Variants in NBEA observed in about 807,000 individuals in gnomAD.
NBEA encodes the protein neurobeachin, also known as lysosomal-trafficking regulator 2.
Under a neutral mutation model 343.4 loss-of-function variants are expected in NBEA, and 44 were observed. That is an observed-to-expected ratio of 0.13 (90% CI 0.10 to 0.16). NBEA has a LOEUF of 0.16. Among genes scored for constraint, NBEA ranks in the 10% least tolerant of loss-of-function variants. The pLI is 1.00. For missense variants in NBEA, 2,555 were observed against 3,631.3 expected (o/e 0.70, Z 7.62); for synonymous variants, 1,175 against 1,238.7 (o/e 0.95, Z 1.08).
intron 38 of NBEA, among the ~76,000 whole-genome samples, chr13:35,424,004 T>A (rs1263114722): frequency 2.6e-5 from 4 of 152,378 alleles, no homozygotes; most frequent in Non-Finnish European, 5.9e-5. Flanking sequence ...TGATTTTGTA[T>A]CCTGAGACTT....
chr13:35,091,618 T>C (rs1449207724), intron 10 of NBEA, among the ~76,000 whole-genome samples: 1 of 151,920 alleles, frequency 6.6e-6, no homozygotes, highest in African/African-American at 2.4e-5. Context: ...GATACAAGGT[T>C]CTCATACAAA....
At chr13:35,450,360 A>G (rs566058415) in intron 39 of NBEA, among the ~76,000 whole-genome samples, 2 of 152,040 alleles carry the variant, frequency 1.3e-5, no homozygotes, top group Non-Finnish European at 2.9e-5. Flanking sequence ...TGTGGTATAC[A>G]TCTGTGGTCC....
rs141569196 is a variant in NBEA, at chr13:35,229,579, A to AT, written c.5649-2906dup. 2.0e-3 allele frequency among the ~76,000 whole-genome samples: 310 copies of AT among 152,084 alleles called. 2 individuals are homozygous for AT. Among genetic ancestry groups the AT allele is most frequent in the Non-Finnish European group, 3.6e-3 (243 of 67,980 alleles). The stretch of plus-strand genomic sequence containing the variant: ...CTCACATTAACATAGCTTTTAATTT[A>AT]TTTTTTTACATATTAACAGATAGCT... On this transcript the variant is annotated intron_variant, in intron 33 of 58. Transcript: ENST00000379939.
In NBEA at chr13:35,270,724, G is replaced by C. The variant is rs114775749; in HGVS notation, c.5777-19665G>C. On this transcript the variant is annotated intron_variant, in intron 34 of 58. Coordinates refer to ENST00000379939, the MANE Select transcript of NBEA (RefSeq NM_001385012.1). ...CCACACCCACAGATCCTTGCTAGCTGCTAGCACAGCAGTGTGAGATTGACC... is the reference window on the plus strand; with the variant it reads ...CCACACCCACAGATCCTTGCTAGCTCCTAGCACAGCAGTGTGAGATTGACC... Among the ~76,000 whole-genome samples the C allele has an allele frequency of 3.1e-3, 469 of 152,342 alleles. 2 individuals are homozygous for C. The highest frequency in any genetic ancestry group is 0.011 in the African/African-American group (457 of 41,588).
intron 31 of NBEA, among the ~76,000 whole-genome samples, chr13:35,205,654 G>A (rs1566456142): frequency 6.6e-6 from 1 of 151,976 alleles, no homozygotes; most frequent in East Asian, 1.9e-4. Context: ...CAGAGTATAT[G>A]AGGATTATTG....
At chr13:35,655,498 TA>T (rs1276900673) in intron 54 of NBEA, 80 bp from the exon 55 acceptor site, 16 of 1,381,350 alleles carry the variant, frequency 1.2e-5, no homozygotes, top group Middle Eastern at 2.3e-4. Flanking sequence ...TAAAATTTTT[TA>T]AAAAATCTGA....
intron 1 of NBEA, among the ~76,000 whole-genome samples, chr13:35,016,286 A>G (rs868241169): frequency 9.7e-5 from 2 of 20,634 alleles, no homozygotes; most frequent in African/African-American, 1.4e-4. Flanking sequence ...ATACACATAC[A>G]TGTTAAAATG....
intron 36 of NBEA, among the ~76,000 whole-genome samples, chr13:35,339,809 ACAG>A (rs1276398676): frequency 2.0e-4 from 31 of 152,194 alleles, no homozygotes; most frequent in Non-Finnish European, 2.9e-5. Context: ...TATCATGAGA[ACAG>A]CAGCAAGAGG....
In NBEA at chr13:35,193,832, A is replaced by G. The variant is rs140087088; in HGVS notation, c.4928-2032A>G. Among the ~76,000 whole-genome samples, 318 of 152,018 alleles carry G rather than the reference A, an allele frequency of 2.1e-3. 2 individuals carry two copies. Among genetic ancestry groups the G allele is most frequent in the African/African-American group, 7.3e-3 (302 of 41,536 alleles). ...CATCTTTGACCAAACTAACAAATAAACAAACAAAATTTAAATCTATTCAAC... is the reference window on the plus strand; with the variant it reads ...CATCTTTGACCAAACTAACAAATAAGCAAACAAAATTTAAATCTATTCAAC... On this transcript the variant is annotated intron_variant, in intron 30 of 58. Coordinates refer to ENST00000379939, the MANE Select transcript of NBEA (RefSeq NM_001385012.1).
chr13:35,085,176 C>T lies in NBEA; in HGVS notation c.1572-13121C>T, dbSNP rs565141149. On this transcript the variant is annotated intron_variant, in intron 10 of 58. Transcript: ENST00000379939. ...GGTACAAGGAGGAGCTGGTACCATT[C>T]CTTCTGAAACTATTCCAATCAATAG... Among the ~76,000 whole-genome samples the T allele has an allele frequency of 2.6e-5, 4 of 152,234 alleles. No individual in the cohort carries two copies. In the South Asian group the frequency reaches 8.3e-4, roughly 32 times the overall value.
chr13:35,601,925 C>T (rs1252981649), intron 47 of NBEA, among the ~76,000 whole-genome samples: 1 of 152,080 alleles, frequency 6.6e-6, no homozygotes, highest in African/African-American at 2.4e-5. Context: ...GCAAATTACC[C>T]ACCCAATCTT....
rs373518301 is a variant in NBEA at position 35,155,804 on chromosome 13, G to A, written c.2476G>A (p.Val826Ile). ...GACAGAACAAGTATGTACTCAGGTC[G>A]TACACAAACCACATCCAGAGCCAGA... Reference protein sequence around the residue: ...ILTEQVCTQVVHKPHPEPDST... With the variant: ...ILTEQVCTQVIHKPHPEPDST... The change falls in exon 19 of 59, where the codon GTA becomes ATA. Residue 826 changes from valine (V) to isoleucine (I), a missense_variant. This residue lies in a region of NBEA where 360 missense variants were observed against 519.1 expected (regional missense o/e 0.69). Transcript: ENST00000379939. 2.5e-5 allele frequency: 41 copies of A among 1,611,742 alleles called. No homozygotes were observed. Among genetic ancestry groups the A allele is most frequent in the Middle Eastern group, 1.6e-4 (1 of 6,074 alleles).
intron 57 of NBEA, among the ~76,000 whole-genome samples, chr13:35,667,843 A>T (rs2085432515): frequency 6.6e-6 from 1 of 152,154 alleles, no homozygotes; most frequent in Admixed American, 6.5e-5. Flanking sequence ...CTCCTTTTAT[A>T]ATTGTTTCAG....
chr13:35,133,276 T>C (rs796878660), intron 17 of NBEA, among the ~76,000 whole-genome samples: 7 of 152,198 alleles, frequency 4.6e-5, no homozygotes, highest in Non-Finnish European at 7.4e-5. Context: ...TCAGTAGTAA[T>C]CAAGAAAATG....
chr13:35,119,663 GC>G (rs1201499822), intron 16 of NBEA, among the ~76,000 whole-genome samples: 1 of 152,076 alleles, frequency 6.6e-6, no homozygotes, highest in Non-Finnish European at 1.5e-5. Context: ...TCAGCTCACT[GC>G]AAGCTCCACT....
intron 1 of NBEA, among the ~76,000 whole-genome samples, chr13:35,037,136 G>C (rs2062472453): frequency 6.6e-6 from 1 of 152,048 alleles, no homozygotes; most frequent in Non-Finnish European, 1.5e-5. Flanking sequence ...CTTTCTTCAA[G>C]CTCATTAATT....
intron 38 of NBEA, among the ~76,000 whole-genome samples, chr13:35,370,601 T>C (rs2041373335): frequency 6.6e-6 from 1 of 152,130 alleles, no homozygotes; most frequent in African/African-American, 2.4e-5. Context: ...TTGTTTTGTA[T>C]ATCCTTTGTT....
At chr13:35,075,581 G>A (rs963913215) in intron 10 of NBEA, among the ~76,000 whole-genome samples, 5 of 152,036 alleles carry the variant, frequency 3.3e-5, no homozygotes, top group African/African-American at 1.2e-4. Flanking sequence ...AAGCATTTAT[G>A]TCAACAGTCC....
chr13:35,268,352 A>G (rs2033858600), intron 34 of NBEA, among the ~76,000 whole-genome samples: 1 of 151,996 alleles, frequency 6.6e-6, no homozygotes. Flanking sequence ...GGCTGCAGGG[A>G]GTGGGGAATG....
Sources: gnomAD v4.1 joint callset for allele counts (sites outside exome capture counted in the v4.1 genomes callset) on GRCh38, gnomAD v4.1.1 for gene constraint, gnomAD v4.1.1 regional missense constraint, MANE v1.5 for transcripts, NCBI Gene and HGNC (gene_info 2026-07-23, HGNC 2026-07-21) for gene names.